ZNF423: variants seen among roughly 807,000 people sequenced by gnomAD.
ZNF423 encodes Ebf-associated zinc finger protein.
Under a neutral mutation model 95.8 loss-of-function variants are expected in ZNF423, and 12 were observed. That is an observed-to-expected ratio of 0.13 (90% CI 0.08 to 0.20). The LOEUF (loss-of-function observed/expected upper bound fraction) is 0.20. Ranked by LOEUF, ZNF423 falls within the 10% of genes least tolerant of loss-of-function variation. The pLI, the probability that ZNF423 is intolerant of heterozygous loss-of-function variation, is 1.00. For synonymous variants in ZNF423, 749 were observed against 711.9 expected, an observed-to-expected ratio of 1.05 and a Z score of -0.83; for missense variants, 1,316 against 1,737.1, an observed-to-expected ratio of 0.76 and a Z score of 4.31.
chr16:49,709,821 G>A (rs539258327), intron 3 of ZNF423, among the ~76,000 whole-genome samples: 2 of 152,226 alleles, frequency 1.3e-5, no homozygotes, highest in East Asian at 1.9e-4. Context: ...TACCAGACAC[G>A]GAATCTCCTG....
chr16:49,650,937 T>C (rs943257034), intron 3 of ZNF423, among the ~76,000 whole-genome samples: 1 of 152,214 alleles, frequency 6.6e-6, no homozygotes. Context: ...TTAGTGATTT[T>C]GTGAAAATGC....
At chr16:49,646,274 G>A (rs1973165810) in intron 3 of ZNF423, among the ~76,000 whole-genome samples, 1 of 152,192 alleles carries the variant, frequency 6.6e-6, no homozygotes, top group Non-Finnish European at 1.5e-5. Flanking sequence ...TAAGCAGGTG[G>A]CTTTCCAGAC....
intron 5 of ZNF423, among the ~76,000 whole-genome samples, chr16:49,594,368 C>A (rs1431268869): frequency 1.6e-4 from 24 of 152,150 alleles, no homozygotes; most frequent in Admixed American, 1.6e-3. Flanking sequence ...CCAGCTGCCT[C>A]CAAGCTGGGA....
Position 49,677,285 on chromosome 16 carries a change from A to AGAGAAGAGAAGAGAT in ZNF423, c.302-38412_302-38411insATCTCTTCTCTTCTC, listed in dbSNP as rs1375493519. 7.8e-4 allele frequency among the ~76,000 whole-genome samples: 68 copies of AGAGAAGAGAAGAGAT among 87,590 alleles called. 4 individuals carry two copies. The highest frequency in any genetic ancestry group is 2.8e-3 in the African/African-American group (63 of 22,286). 57.5% of individuals were successfully genotyped at this position (87,590 alleles called of 152,430 possible). On this transcript the variant is annotated intron_variant, in intron 3 of 7. Transcript: ENST00000563137. The stretch of plus-strand genomic sequence containing the variant: ...AGAGAAGAGAAGAGAAGAGAAGAGA[A>AGAGAAGAGAAGAGAT]GAGAAGAGAAGAGAAGAGAAGAGAA...
At chr16:49,548,494 T>C (rs756837736) in intron 5 of ZNF423, among the ~76,000 whole-genome samples, 45 of 151,852 alleles carry the variant, frequency 3.0e-4, no homozygotes, top group Non-Finnish European at 4.9e-4. Flanking sequence ...AGTGTACTAG[T>C]TGTAAATTAT....
At chr16:49,762,904 C>A (rs1248211126) in intron 2 of ZNF423, among the ~76,000 whole-genome samples, 2 of 152,198 alleles carry the variant, frequency 1.3e-5, no homozygotes, top group South Asian at 4.1e-4. Flanking sequence ...TGTTTAATCT[C>A]ATCAGTTCTT....
Position 49,801,215 on chromosome 16 carries a change from G to A in ZNF423, c.41-11669C>T, listed in dbSNP as rs574772379. Among the ~76,000 whole-genome samples, 14 of 152,292 alleles carry A rather than the reference G, an allele frequency of 9.2e-5. No individual in the cohort carries two copies. In the South Asian group the frequency reaches 2.1e-3, roughly 23 times the overall value. On this transcript the variant is annotated intron_variant, in intron 1 of 7. Coordinates refer to ENST00000563137, the MANE Select transcript of ZNF423 (RefSeq NM_001379286.1). ...GCCTGCCTCTCTGTGCTGGTCCCAC[G>A]TGGGTGAGGAGACAGACGCCAGCCT...
chr16:49,857,461 A>G (rs1211273120), upstream of ZNF423, among the ~76,000 whole-genome samples: 2 of 152,130 alleles, frequency 1.3e-5, no homozygotes, highest in East Asian at 3.9e-4. The surrounding 1 kb of genome is among the most constrained non-coding windows in gnomAD (Gnocchi z 6.2). Context: ...CATGAGCCTC[A>G]CAAACTGTAA....
chr16:49,789,627 G>A (rs940048047), intron 1 of ZNF423, 81 bp from the exon 2 acceptor site: 2 of 1,401,676 alleles, frequency 1.4e-6, no homozygotes, highest in Non-Finnish European at 1.9e-6. Flanking sequence ...GAGGAAGAAG[G>A]AACATTTGTG....
chr16:49,825,767 C>T (rs184360909), intron 1 of ZNF423, among the ~76,000 whole-genome samples: 10 of 152,174 alleles, frequency 6.6e-5, no homozygotes, highest in East Asian at 5.8e-4. Flanking sequence ...TATCAATGAG[C>T]GAGGGCGTGA....
At chr16:49,824,125 T>C (rs11076502) in intron 1 of ZNF423, among the ~76,000 whole-genome samples, 73,088 of 151,544 alleles carry the variant, frequency 0.48, 17,774 homozygotes, top group Middle Eastern at 0.63. Flanking sequence ...TCATCTAGGG[T>C]TTAGATTATT....
At position 49,768,695 on chromosome 16, in the gene ZNF423, C is replaced by T. The variant is rs142328326; in HGVS notation, c.100+20792G>A. Among the ~76,000 whole-genome samples the T allele has an allele frequency of 9.9e-5, 15 of 152,212 alleles. No homozygotes were observed. In the East Asian group the frequency reaches 2.5e-3, roughly 26 times the overall value. On this transcript the variant is annotated intron_variant, in intron 2 of 7. Transcript: ENST00000563137. ...CCGATGTCCCAACCTGCAATGTCAA[C>T]GTGGCCCTAGACCTCAGCTCCTCTG...
At chr16:49,679,543 G>A (rs1300351932) in intron 3 of ZNF423, among the ~76,000 whole-genome samples, 3 of 152,280 alleles carry the variant, frequency 2.0e-5, no homozygotes, top group African/African-American at 7.2e-5. Context: ...ACTCAGGGCA[G>A]TGCTGACATG....
intron 2 of ZNF423, among the ~76,000 whole-genome samples, chr16:49,770,700 TA>T (rs1330647951): frequency 6.6e-6 from 1 of 151,908 alleles, no homozygotes; most frequent in East Asian, 1.9e-4. Context: ...GCACAAGGCA[TA>T]GGGGCCAAGA....
chr16:49,674,691 GC>G (rs1276107779), intron 3 of ZNF423, among the ~76,000 whole-genome samples: 1 of 152,244 alleles, frequency 6.6e-6, no homozygotes, highest in Non-Finnish European at 1.5e-5. Context: ...GCCACGCAGT[GC>G]TGTGCAGAGG....
chr16:49,791,799 C>T (rs763259462), intron 1 of ZNF423, among the ~76,000 whole-genome samples: 12 of 152,118 alleles, frequency 7.9e-5, no homozygotes, highest in Admixed American at 1.3e-4. Context: ...GTCAGGAGTT[C>T]GAGGCCAGCT....
chr16:49,750,299 C>T (rs1027658040), intron 2 of ZNF423, among the ~76,000 whole-genome samples: 1 of 152,194 alleles, frequency 6.6e-6, no homozygotes, highest in African/African-American at 2.4e-5. Context: ...TTGTCACTAA[C>T]ATTTAAATAT....
intron 5 of ZNF423, among the ~76,000 whole-genome samples, chr16:49,615,172 G>A (rs1242328822): frequency 1.5e-5 from 2 of 131,212 alleles, no homozygotes; most frequent in Admixed American, 7.1e-5. Flanking sequence ...ACACGGGGCA[G>A]GGGGGTAATG....
chr16:49,664,640 G>A (rs1175897249), intron 3 of ZNF423, among the ~76,000 whole-genome samples: 1 of 152,066 alleles, frequency 6.6e-6, no homozygotes, highest in African/African-American at 2.4e-5. Context: ...GGACAGGGTG[G>A]GGGGACGGCC....
Sources: gnomAD v4.1 joint callset for allele counts (sites outside exome capture counted in the v4.1 genomes callset) on GRCh38, gnomAD v4.1.1 for gene constraint, Gnocchi (gnomAD v3.1) non-coding constraint, MANE v1.5 for transcripts, NCBI Gene and HGNC (gene_info 2026-07-23, HGNC 2026-07-21) for gene names.